Variants in MAST3 observed in about 807,000 individuals in gnomAD.
MAST3 encodes microtubule associated serine/threonine kinase 3.
MAST3 carries 43 observed loss-of-function variants against 127.0 expected under a neutral mutation model. That is an observed-to-expected ratio of 0.34 (90% CI 0.27 to 0.44). The LOEUF is 0.44. MAST3 is among the 20% of genes least tolerant of loss of function. The pLI is 1.00. For synonymous variants in MAST3, 785 were observed against 809.2 expected (o/e 0.97, Z 0.51); for missense variants, 1,390 against 1,919.1 (o/e 0.72, Z 5.15).
intron 3 of MAST3, among the ~76,000 whole-genome samples, chr19:18,119,902 C>G (rs2039760101): frequency 6.6e-6 from 1 of 152,236 alleles, no homozygotes; most frequent in South Asian, 2.1e-4. Context: ...GAGACTTCAT[C>G]TCTCCCTCCC....
chr19:18,105,209 A>G (rs1469889318), intron 1 of MAST3, among the ~76,000 whole-genome samples: 1 of 151,928 alleles, frequency 6.6e-6, no homozygotes. Flanking sequence ...TCTGCTAAAT[A>G]TACAAAAATT....
At chr19:18,139,294 G>C (rs1341655527) in intron 20 of MAST3, among the ~76,000 whole-genome samples, 170 bp downstream of exon 20, 1 of 151,988 alleles carries the variant, frequency 6.6e-6, no homozygotes, top group Non-Finnish European at 1.5e-5. Flanking sequence ...TCCCACCTCA[G>C]CCTCCCAAAG....
At chr19:18,101,882 C>T (rs930782858) in intron 1 of MAST3, among the ~76,000 whole-genome samples, 11 of 69,348 alleles carry the variant, frequency 1.6e-4, no homozygotes, top group African/African-American at 5.5e-4. Flanking sequence ...GCCTCAAACT[C>T]TTTTTTTTTT....
chr19:18,106,966 A>ATTTTTTTTT (rs60298417), intron 1 of MAST3, among the ~76,000 whole-genome samples: 29 of 73,946 alleles, frequency 3.9e-4, no homozygotes, highest in African/African-American at 7.5e-4. Context: ...ATGCCCAGCA[A>ATTTTTTTTT]TTTTTTTTTT....
At chr19:18,101,362 T>C (rs1206710547) in intron 1 of MAST3, among the ~76,000 whole-genome samples, 5 of 96,234 alleles carry the variant, frequency 5.2e-5, no homozygotes, top group African/African-American at 7.3e-5. Flanking sequence ...TCCTCCTCCT[T>C]CTCCTTCTCC....
At chr19:18,120,140 G>A (rs574336839) in intron 3 of MAST3, among the ~76,000 whole-genome samples, 2 of 152,304 alleles carry the variant, frequency 1.3e-5, no homozygotes, top group South Asian at 2.1e-4. Flanking sequence ...GAAGGGAACT[G>A]GGATGGAAAG....
Position 18,110,280 on chromosome 19 carries a change from C to A in MAST3, c.72-372C>A. On this transcript the variant is annotated intron_variant, in intron 2 of 27. Coordinates refer to ENST00000687212, the MANE Select transcript of MAST3 (RefSeq NM_001393504.1). This position sits in a 1 kb window ranked among gnomAD's most constrained non-coding sequence, Gnocchi z 4.3. ...GGGCTTCCGGGGGCCAACAAGGGGG[C>A]GTCGGTACCCCGCCGCACAGAGGCG... The A allele has an allele frequency of 1.0e-6, 1 of 985,618 alleles. No individual in the cohort carries two copies. Among genetic ancestry groups the A allele is most frequent in the Non-Finnish European group, 1.2e-6 (1 of 830,062 alleles). 61.1% of individuals were successfully genotyped at this position (985,618 alleles called of 1,614,324 possible).
At position 18,143,785 on chromosome 19, in the gene MAST3, G is replaced by A; in HGVS notation, c.2362G>A (p.Gly788Arg). ...CAGGCTGAGGTCCTGGACATCCTCT[G>A]GATCCTCCTGTCAGTCATCTTCGTC... is the stretch of plus-strand genomic sequence containing the variant. ...DIRLRSWTSS[G>R]SSCQSSSSQP... Residue 788 changes from glycine to arginine, a missense_variant, in exon 22 of 28, where the codon GGA (glycine) becomes AGA (arginine). Physicochemically the swap from Gly to Arg is moderately radical, Grantham distance 125. Transcript: ENST00000687212. The A allele has an allele frequency of 6.2e-7, 1 of 1,613,664 alleles. No homozygotes were observed. The highest frequency in any genetic ancestry group is 8.5e-7 in the Non-Finnish European group (1 of 1,179,828).
chr19:18,103,212 C>T lies in MAST3; in HGVS notation c.40-4375C>T, dbSNP rs145513003. On this transcript the variant is annotated intron_variant, in intron 1 of 27. Coordinates refer to ENST00000687212, the MANE Select transcript of MAST3 (RefSeq NM_001393504.1). ...CCCGGGAGCCTTTGCAGGGAGCTGC[C>T]GATTTTGCCTCACCTCTCTCTGCCA... Among the ~76,000 whole-genome samples the T allele has an allele frequency of 3.7e-3, 562 of 152,052 alleles. 2 individuals carry two copies. Among genetic ancestry groups the T allele is most frequent in the African/African-American group, 0.012 (505 of 41,458 alleles).
chr19:18,149,638 C>G lies in MAST3; in HGVS notation c.3956C>G (p.Ala1319Gly), dbSNP rs746501195. 6.2e-7 allele frequency: 1 copy of G among 1,613,128 alleles called. No individual in the cohort carries two copies. The highest frequency in any genetic ancestry group is 1.3e-5 in the African/African-American group (1 of 74,950). Reference sequence around the variant, plus strand: ...AGCTTCGATGAGCCGCAGGAGGAGGCCACTGGGCTGCCCACCTCAGTGCCA... The same window carrying G: ...AGCTTCGATGAGCCGCAGGAGGAGGGCACTGGGCTGCCCACCTCAGTGCCA... ...EVSFDEPQEE[A>G]TGLPTSVPQI... The change falls in exon 28 of 28, where the codon GCC (alanine) becomes GGC (glycine). Residue 1319 changes from alanine to glycine, a missense_variant. Transcript: ENST00000687212. The surrounding 1 kb of genome is among the most constrained non-coding windows in gnomAD (Gnocchi z 5.9).
chr19:18,105,573 T>C (rs2038006910), intron 1 of MAST3, among the ~76,000 whole-genome samples: 1 of 149,104 alleles, frequency 6.7e-6, no homozygotes. Context: ...CTCTGGAGGT[T>C]GAGGCAGGAG....
chr19:18,115,049 AG>A (rs1001630952), intron 3 of MAST3, among the ~76,000 whole-genome samples: 2 of 152,208 alleles, frequency 1.3e-5, no homozygotes, highest in Non-Finnish European at 2.9e-5. Flanking sequence ...TGTCAGGGAC[AG>A]GGCTAGGATA....
chr19:18,103,189 C>T (rs756257894), intron 1 of MAST3, among the ~76,000 whole-genome samples: 11 of 152,020 alleles, frequency 7.2e-5, no homozygotes, highest in African/African-American at 2.7e-4. Context: ...CCAGCTTCCC[C>T]GGGAGCCTTT....
chr19:18,135,998 C>T (rs1404200344), intron 18 of MAST3, among the ~76,000 whole-genome samples, 157 bp downstream of exon 18: 2 of 152,134 alleles, frequency 1.3e-5, no homozygotes, highest in Non-Finnish European at 2.9e-5. Context: ...CACAGGAGTT[C>T]TCCAGGAACT....
chr19:18,147,255 A>G (rs1023237411), intron 26 of MAST3, among the ~76,000 whole-genome samples, 188 bp from the exon 27 acceptor site: 17 of 151,686 alleles, frequency 1.1e-4, no homozygotes, highest in Admixed American at 9.2e-4. Context: ...GGCGTGCACC[A>G]TCATGCCCAG....
At position 18,139,091 on chromosome 19, in the gene MAST3, C is replaced by T; in HGVS notation, c.2172C>T (p.Pro724=). ...ATGAAGAATCGTCCACAGAGATCCC[C>T]CAGTTCTCCTCCTGCTCCCACCGGT... ...TNDEESSTEI[P]QFSSCSHRFS... Residue 724 remains proline (P), a synonymous_variant, in exon 20 of 28, where the codon CCC becomes CCT. Coordinates refer to ENST00000687212, the MANE Select transcript of MAST3 (RefSeq NM_001393504.1). The T allele has an allele frequency of 1.2e-6, 2 of 1,604,288 alleles. No homozygotes were observed. Among genetic ancestry groups the T allele is most frequent in the African/African-American group, 1.3e-5 (1 of 74,784 alleles).
intron 3 of MAST3, among the ~76,000 whole-genome samples, chr19:18,116,088 A>ATTTTTTTTTTTTTT (rs2039190139): frequency 4.8e-5 from 2 of 41,408 alleles, no homozygotes; most frequent in African/African-American, 2.5e-4. Context: ...ATTTGAAATT[A>ATTTTTTTTTTTTTT]TCTTTTTTTT....
intron 19 of MAST3, among the ~76,000 whole-genome samples, chr19:18,138,671 GTATT>G: frequency 6.6e-6 from 1 of 151,378 alleles, no homozygotes; most frequent in East Asian, 1.9e-4. Flanking sequence ...GCTAATATTT[GTATT>G]TGTAGTAGAG....
rs1246051403 is a variant in MAST3, at chr19:18,122,734, C to A, written c.382C>A (p.Pro128Thr). ...ATCTTCCGGCTATGGAACCAACACA[C>A]CCAGCTCCACCCTCTCGGTACCCAT... ...LPSSGYGTNT[P>T]SSTLSSSSSS... The change falls in exon 6 of 28, where the codon CCC becomes ACC. Residue 128 changes from proline (P) to threonine (T), a missense_variant. Physicochemically the swap from Pro to Thr is conservative, Grantham distance 38. Around this residue, in one of 5 missense-constraint regions of MAST3, gnomAD observed 45 missense variants for 113.0 expected, o/e 0.40. Transcript: ENST00000687212. 6.2e-7 allele frequency: 1 copy of A among 1,613,522 alleles called. No homozygotes were observed. The highest frequency in any genetic ancestry group is 1.7e-5 in the Admixed American group (1 of 59,948).
Sources: gnomAD v4.1 joint callset for allele counts (sites outside exome capture counted in the v4.1 genomes callset) on GRCh38, gnomAD v4.1.1 for gene constraint, gnomAD v4.1.1 regional missense constraint, Gnocchi (gnomAD v3.1) non-coding constraint, MANE v1.5 for transcripts, NCBI Gene and HGNC (gene_info 2026-07-23, HGNC 2026-07-21) for gene names.